The following PTK2 variants were observed in gnomAD, a reference collection of about 807,000 sequenced individuals.
PTK2 encodes the protein focal adhesion kinase 1.
PTK2 carries 45 observed loss-of-function variants against 150.1 expected under a neutral mutation model. The ratio of observed to expected loss-of-function variants is 0.30; its 90% CI spans 0.24 to 0.38. PTK2 has a LOEUF of 0.38. Ranked by LOEUF, PTK2 falls within the 10% of genes least tolerant of loss-of-function variation. The pLI is 1.00. For synonymous variants in PTK2, 432 were observed against 449.2 expected (o/e 0.96, Z 0.48); for missense variants, 919 against 1,307.3 (o/e 0.70, Z 4.58).
intron 12 of PTK2, among the ~76,000 whole-genome samples, chr8:140,800,115 G>A (rs548852298): frequency 3.9e-5 from 6 of 152,038 alleles, no homozygotes; most frequent in Non-Finnish European, 5.9e-5. Flanking sequence ...GAGTTATAAC[G>A]GATTCCTTTT....
At chr8:140,898,644 T>C (rs1251378306) in intron 2 of PTK2, among the ~76,000 whole-genome samples, 1 of 152,120 alleles carries the variant, frequency 6.6e-6, no homozygotes, top group African/African-American at 2.4e-5. Context: ...TGCTACATAA[T>C]GCAGCACATA....
intron 8 of PTK2, among the ~76,000 whole-genome samples, chr8:140,825,080 A>G (rs2154602398): frequency 6.6e-6 from 1 of 152,348 alleles, no homozygotes; most frequent in Non-Finnish European, 1.5e-5. Context: ...AGGCAATGCC[A>G]AGGAAAATCT....
intron 16 of PTK2, among the ~76,000 whole-genome samples, chr8:140,760,239 A>C: frequency 6.6e-6 from 1 of 152,092 alleles, no homozygotes; most frequent in East Asian, 1.9e-4. Context: ...ACAAAACAAA[A>C]CAAAACATAT....
At chr8:140,892,951 G>T (rs2100154720) in intron 2 of PTK2, among the ~76,000 whole-genome samples, 1 of 152,184 alleles carries the variant, frequency 6.6e-6, no homozygotes, top group Non-Finnish European at 1.5e-5. Context: ...TCCTCAAAAG[G>T]TTAAACATGG....
At chr8:140,818,827 C>G in intron 9 of PTK2, 53 bp downstream of exon 9, 2 of 1,568,216 alleles carry the variant, frequency 1.3e-6, no homozygotes, top group South Asian at 1.2e-5. Flanking sequence ...CAGCAAGAGA[C>G]AAGAAAAAGT....
chr8:140,929,176 G>A (rs7828876), intron 1 of PTK2, among the ~76,000 whole-genome samples: 5,794 of 150,446 alleles, frequency 0.039, 257 homozygotes, highest in African/African-American at 0.11. Context: ...CATTTTAGCC[G>A]GGATGGTCTC....
At chr8:140,716,589 C>T (rs1486988861) in intron 23 of PTK2, among the ~76,000 whole-genome samples, 3 of 152,126 alleles carry the variant, frequency 2.0e-5, no homozygotes, top group African/African-American at 7.2e-5. Flanking sequence ...TTTCAGTGTA[C>T]GTTTACTGTT....
intron 2 of PTK2, among the ~76,000 whole-genome samples, chr8:140,901,771 T>A (rs747172318): frequency 6.6e-6 from 1 of 151,652 alleles, no homozygotes. Context: ...GTCATCTACA[T>A]TAGGAATATT....
intron 8 of PTK2, among the ~76,000 whole-genome samples, chr8:140,823,900 C>T (rs2100110360): frequency 6.6e-6 from 1 of 152,180 alleles, no homozygotes; most frequent in Non-Finnish European, 1.5e-5. Flanking sequence ...ACTTTACGCC[C>T]GTAACATTCT....
intron 1 of PTK2, among the ~76,000 whole-genome samples, chr8:140,946,668 T>C (rs540171244): frequency 1.1e-3 from 174 of 152,332 alleles, no homozygotes; most frequent in African/African-American, 4.0e-3. Flanking sequence ...TGAGGCTTAT[T>C]ATGACTACCC....
At chr8:140,766,061 C>A (rs923857146) in intron 14 of PTK2, among the ~76,000 whole-genome samples, 53 of 152,116 alleles carry the variant, frequency 3.5e-4, no homozygotes, top group African/African-American at 1.1e-3. Flanking sequence ...ATGAATTGGC[C>A]CTGCTGCAGC....
chr8:140,818,721 TTC>T (rs1238840394), intron 9 of PTK2, among the ~76,000 whole-genome samples, 157 bp downstream of exon 9: 1 of 152,234 alleles, frequency 6.6e-6, no homozygotes, highest in Admixed American at 6.5e-5. Flanking sequence ...ATTAATTATT[TTC>T]TTTTTCTATT....
intron 10 of PTK2, among the ~76,000 whole-genome samples, chr8:140,813,384 T>C (rs1017211724): frequency 9.5e-5 from 14 of 147,466 alleles, no homozygotes; most frequent in African/African-American, 2.3e-4. Context: ...GGTAAGGCAG[T>C]GTAAAGAGGT....
At chr8:140,728,265 G>A (rs1002246624) in intron 22 of PTK2, among the ~76,000 whole-genome samples, 1 of 152,032 alleles carries the variant, frequency 6.6e-6, no homozygotes, top group Non-Finnish European at 1.5e-5. Flanking sequence ...AAGTGGTGGG[G>A]CCAGGATTCA....
chr8:140,819,155 T>TA (rs2100106664), intron 8 of PTK2, 135 bp from the exon 9 acceptor site: 2 of 848,312 alleles, frequency 2.4e-6, no homozygotes, highest in Non-Finnish European at 3.5e-6. Context: ...AGTATACTTG[T>TA]CAAATAACTA....
intron 1 of PTK2, among the ~76,000 whole-genome samples, chr8:140,993,258 T>C (rs923900605): frequency 2.6e-5 from 4 of 152,218 alleles, no homozygotes; most frequent in Admixed American, 2.6e-4. Flanking sequence ...GATGATCCGC[T>C]GGCCTCTGCC....
At chr8:140,874,332 C>T (rs2100144338) in intron 4 of PTK2, among the ~76,000 whole-genome samples, 2 of 152,156 alleles carry the variant, frequency 1.3e-5, no homozygotes, top group Non-Finnish European at 2.9e-5. Context: ...AAAGAACAAG[C>T]TATGTCCAAA....
At chr8:140,799,517 G>A (rs766241090) in intron 12 of PTK2, among the ~76,000 whole-genome samples, 1 of 152,098 alleles carries the variant, frequency 6.6e-6, no homozygotes, top group Non-Finnish European at 1.5e-5. Context: ...TTACTCCTTG[G>A]GAGGTGTCTA....
At chr8:140,853,890 C>T (rs1389715694) in intron 5 of PTK2, among the ~76,000 whole-genome samples, 2 of 152,126 alleles carry the variant, frequency 1.3e-5, no homozygotes, top group Non-Finnish European at 2.9e-5. Context: ...CCTCTTAGAC[C>T]TGCAATTTCA....
Sources: allele counts gnomAD v4.1 joint callset (sites outside exome capture counted in the v4.1 genomes callset), GRCh38; gene constraint gnomAD v4.1.1; transcripts MANE v1.5; gene names NCBI Gene and HGNC (gene_info 2026-07-23, HGNC 2026-07-21).